The following SLC9B1 variants were observed in gnomAD, a reference collection of about 807,000 sequenced individuals.
SLC9B1 encodes the protein sodium/hydrogen exchanger 9B1.
SLC9B1 carries 32 observed loss-of-function variants against 51.7 expected under a neutral mutation model. The observed-to-expected ratio is 0.62, with a 90% CI of 0.47 to 0.83. The LOEUF (loss-of-function observed/expected upper bound fraction) is 0.83. SLC9B1 is among the 40% of genes least tolerant of loss of function. The pLI is 0.00. For missense variants in SLC9B1, 406 were observed against 613.2 expected (o/e 0.66, Z 3.57); for synonymous variants, 145 against 212.7 (o/e 0.68, Z 2.77).
At chr4:102,998,377 T>C (rs572594586) in intron 1 of SLC9B1, among the ~76,000 whole-genome samples, 1 of 152,212 alleles carries the variant, frequency 6.6e-6, no homozygotes, top group Non-Finnish European at 1.5e-5. Context: ...TTCCTTCCTT[T>C]TTAAAGGCTG....
chr4:102,995,546 AGTAAG>A (rs1384239420), intron 1 of SLC9B1, among the ~76,000 whole-genome samples: 1 of 152,192 alleles, frequency 6.6e-6, no homozygotes, highest in African/African-American at 2.4e-5. Flanking sequence ...TCAAAACCTA[AGTAAG>A]GGGTCTGAAT....
downstream of SLC9B1, chr4:102,897,486 C>T (rs533153997): frequency 1.6e-3 from 383 of 242,322 alleles, 2 homozygotes; most frequent in African/African-American, 8.2e-3. Flanking sequence ...TTAACCAGTA[C>T]AGTATGTGCA....
At chr4:102,994,603 A>G (rs891681277) in intron 1 of SLC9B1, among the ~76,000 whole-genome samples, 1 of 152,106 alleles carries the variant, frequency 6.6e-6, no homozygotes, top group Non-Finnish European at 1.5e-5. Context: ...GCCAGTTTAC[A>G]TTAGTCCTTT....
intron 7 of SLC9B1, among the ~76,000 whole-genome samples, chr4:102,920,464 G>A (rs552244863): frequency 2.6e-5 from 4 of 152,322 alleles, no homozygotes; most frequent in African/African-American, 9.6e-5. Flanking sequence ...AACCAGAGCA[G>A]AAAAGCTGAA....
chr4:102,910,362 A>G, intron 9 of SLC9B1, 77 bp downstream of exon 9: 2 of 1,305,300 alleles, frequency 1.5e-6, no homozygotes, highest in Admixed American at 5.5e-5. Context: ...TCCAACCAGA[A>G]TGAGGGGATT....
intron 3 of SLC9B1, chr4:102,961,829 A>G (rs1738149642): frequency 1.1e-5 from 2 of 181,430 alleles, no homozygotes; most frequent in Non-Finnish European, 2.3e-5. Flanking sequence ...CATCTACAAT[A>G]TATCTTAAAA....
rs796627541 is a variant in SLC9B1, at chr4:103,016,494, T to A, written c.-2+3105A>T. 3.3e-5 allele frequency among the ~76,000 whole-genome samples: 5 copies of A among 152,324 alleles called. No individual in the cohort carries two copies. In the East Asian group the frequency reaches 5.8e-4, roughly 18 times the overall value. On this transcript the variant is annotated intron_variant, in intron 1 of 11. Transcript: ENST00000296422. Reference sequence around the variant, plus strand: ...CAATTTCTTGACACCACATTTTCTCTTTATTGTACTAGTCAAGGCATATAA... The same window carrying A: ...CAATTTCTTGACACCACATTTTCTCATTATTGTACTAGTCAAGGCATATAA...
chr4:102,932,036 A>T (rs1403194528), intron 7 of SLC9B1, 88 bp downstream of exon 7: 10 of 1,254,036 alleles, frequency 8.0e-6, no homozygotes, highest in Non-Finnish European at 1.0e-5. Flanking sequence ...TTGGTTAATA[A>T]ATGAAGAAGC....
intron 11 of SLC9B1, chr4:102,889,891 G>C (rs949457394): frequency 2.0e-5 from 3 of 152,010 alleles, no homozygotes; most frequent in African/African-American, 7.2e-5. Flanking sequence ...TAGAACTTGA[G>C]GATAAGTGGT....
rs185685723 is a variant in SLC9B1, at chr4:102,906,396, G to A, written c.1195+140C>T. On this transcript the variant is annotated intron_variant, in intron 10 of 11. Transcript: ENST00000296422. ...ACCCAGTGTAAAGGAAGAGCAATATGAAAATATGACACTGTATCAACATGT... is the reference window on the plus strand; with the variant it reads ...ACCCAGTGTAAAGGAAGAGCAATATAAAAATATGACACTGTATCAACATGT... 2,213 of 475,918 alleles carry A rather than the reference G, an allele frequency of 4.6e-3. 44 individuals carry two copies. Among genetic ancestry groups the A allele is most frequent in the African/African-American group, 0.039 (1,956 of 49,818 alleles). The allele number at this position is 475,918 out of a possible 1,614,324, so 29.5% of individuals were successfully genotyped here. A position where few individuals can be genotyped will look rare whatever the true frequency, so the allele number is the denominator to read the frequency against.
rs1735289786 is a variant in SLC9B1, at chr4:102,910,571, C to G, written c.954G>C (p.Lys318Asn). The G allele has an allele frequency of 6.8e-7, 1 of 1,464,830 alleles. No homozygotes were observed. The allele number at this position is 1,464,830 out of a possible 1,614,324, so 90.7% of individuals were successfully genotyped here. ...PSEDQKKLTLKRGFLVLTMCV... is the reference protein window; with the variant it reads ...PSEDQKKLTLNRGFLVLTMCV... ...ACATAGTCAAAACAAGGAATCCTCTCTTCAATGTAAGTTTTTTCTAGAATT... is the reference window on the plus strand; with the variant it reads ...ACATAGTCAAAACAAGGAATCCTCTGTTCAATGTAAGTTTTTTCTAGAATT... Residue 318 changes from lysine (K) to asparagine (N), a missense_variant, in exon 9 of 12, where the codon AAG becomes AAC. Transcript: ENST00000296422.
At chr4:102,888,823 T>G (rs1301574919) in intron 11 of SLC9B1, 5 of 152,226 alleles carry the variant, frequency 3.3e-5, no homozygotes, top group Admixed American at 1.3e-4. Flanking sequence ...ACCATTTAAC[T>G]CCCTTCACTG....
chr4:102,936,630 G>C (rs1279633440), intron 6 of SLC9B1, among the ~76,000 whole-genome samples: 3 of 152,176 alleles, frequency 2.0e-5, no homozygotes, highest in Non-Finnish European at 4.4e-5. Flanking sequence ...ACTAACAGCA[G>C]AACAGACCAA....
At chr4:102,924,498 C>CCTGAATGTTTTAATGACT (rs1402119472) in intron 7 of SLC9B1, among the ~76,000 whole-genome samples, 1 of 152,096 alleles carries the variant, frequency 6.6e-6, no homozygotes, top group African/African-American at 2.4e-5. Context: ...TAGGCATGGG[C>CCTGAATGTTTTAATGACT]AAAGAATTAA....
At chr4:103,011,137 G>A (rs1415742114) in intron 1 of SLC9B1, among the ~76,000 whole-genome samples, 2 of 152,218 alleles carry the variant, frequency 1.3e-5, no homozygotes, top group African/African-American at 2.4e-5. Flanking sequence ...TACAATAGTG[G>A]GACAGACAGA....
At chr4:102,895,817 G>A (rs1248574453) in intron 11 of SLC9B1, among the ~76,000 whole-genome samples, 2 of 152,076 alleles carry the variant, frequency 1.3e-5, no homozygotes, top group Non-Finnish European at 2.9e-5. Flanking sequence ...TAAAAGAAAT[G>A]AGTAAAACAA....
chr4:102,941,267 C>T (rs1736980944), intron 6 of SLC9B1, among the ~76,000 whole-genome samples: 1 of 152,036 alleles, frequency 6.6e-6, no homozygotes, highest in African/African-American at 2.4e-5. Context: ...GTCTAATATC[C>T]AGAATCCAAA....
intron 7 of SLC9B1, among the ~76,000 whole-genome samples, chr4:102,915,537 G>A (rs1186985578): frequency 6.6e-6 from 1 of 152,080 alleles, no homozygotes; most frequent in African/African-American, 2.4e-5. Context: ...TGGGACTACA[G>A]ACATGCACCA....
chr4:102,925,407 A>T (rs1736108853), intron 7 of SLC9B1, among the ~76,000 whole-genome samples: 2 of 151,944 alleles, frequency 1.3e-5, no homozygotes, highest in Non-Finnish European at 2.9e-5. Context: ...CCTGTCATGG[A>T]GTGTGGGGAG....
Sources: allele counts gnomAD v4.1 joint callset (sites outside exome capture counted in the v4.1 genomes callset), GRCh38; gene constraint gnomAD v4.1.1; transcripts MANE v1.5; gene names NCBI Gene and HGNC (gene_info 2026-07-23, HGNC 2026-07-21).